The following PBX1 variants were observed in gnomAD, a reference collection of about 807,000 sequenced individuals.
PBX1 encodes the protein pre-B-cell leukemia transcription factor 1.
PBX1 carries 6 observed loss-of-function variants against 53.4 expected under a neutral mutation model. The ratio of observed to expected loss-of-function variants is 0.11; its 90% confidence interval spans 0.06 to 0.22. The LOEUF (loss-of-function observed/expected upper bound fraction) is 0.22, where lower values mean the gene tolerates loss of function less well. Ranked by LOEUF, PBX1 falls within the 10% of genes least tolerant of loss-of-function variation. PBX1 has a pLI of 1.00. For synonymous variants in PBX1, 204 were observed against 212.3 expected, an observed-to-expected ratio of 0.96 and a Z score of 0.34; for missense variants, 251 against 551.4, an observed-to-expected ratio of 0.46 and a Z score of 5.46.
chr1:164,587,931 T>C (rs1475029410), intron 2 of PBX1, among the ~76,000 whole-genome samples: 1 of 152,278 alleles, frequency 6.6e-6, no homozygotes, highest in South Asian at 2.1e-4. Flanking sequence ...CCCATTTTTA[T>C]ATGCAAGAAG....
At chr1:164,731,312 C>CAAAAAAAAAAA (rs57637058) in intron 2 of PBX1, among the ~76,000 whole-genome samples, 1 of 118,230 alleles carries the variant, frequency 8.5e-6, no homozygotes. Flanking sequence ...TTTCATCAGC[C>CAAAAAAAAAAA]AAAAAAAAAA....
intron 2 of PBX1, among the ~76,000 whole-genome samples, chr1:164,869,241 C>T (rs1672291695): frequency 6.6e-6 from 1 of 152,154 alleles, no homozygotes; most frequent in Non-Finnish European, 1.5e-5. Flanking sequence ...GTCATGATGA[C>T]TTTACTCCAC....
chr1:164,792,166 C>G (rs1420541494), intron 2 of PBX1, among the ~76,000 whole-genome samples: 1 of 152,122 alleles, frequency 6.6e-6, no homozygotes, highest in Non-Finnish European at 1.5e-5. Context: ...AACTCAGCTT[C>G]CCAAAGTGAA....
In PBX1 at chr1:164,849,631, C is replaced by T. The variant is rs377715625; in HGVS notation, c.*2955C>T. ...GATACTAGACCCTGGGTTTGCCCACCTTGTAACTCTTCCTTATCTCCTCCT... is the reference window on the plus strand; with the variant it reads ...GATACTAGACCCTGGGTTTGCCCACTTTGTAACTCTTCCTTATCTCCTCCT... On this transcript the variant is annotated 3_prime_UTR_variant, in exon 9 of 9. Coordinates refer to ENST00000420696, the MANE Select transcript of PBX1 (RefSeq NM_002585.4). The T allele has an allele frequency of 1.9e-6, 1 of 521,804 alleles. No individual in the cohort carries two copies. The highest frequency in any genetic ancestry group is 1.9e-5 in the African/African-American group (1 of 52,654). 32.3% of individuals were successfully genotyped at this position (521,804 alleles called of 1,614,324 possible).
intron 1 of PBX1, chr1:164,560,365 GC>G: frequency 2.5e-6 from 1 of 397,034 alleles, no homozygotes; most frequent in Non-Finnish European, 4.4e-6. Context: ...ATCAGAGAAA[GC>G]AGAATTGTCA....
At chr1:164,673,809 C>T (rs1340908919) in intron 2 of PBX1, among the ~76,000 whole-genome samples, 2 of 152,136 alleles carry the variant, frequency 1.3e-5, no homozygotes, top group African/African-American at 2.4e-5. Flanking sequence ...GCACATGCTA[C>T]CCCCAGCCAC....
chr1:164,849,862 CA>C lies in PBX1; in HGVS notation c.*3192del. ...GCCCAGAAAAACCTGACTTCGATAC[CA>C]AAAAAGATGAAACTACAGAAACTCA... On this transcript the variant is annotated 3_prime_UTR_variant, in exon 9 of 9. Transcript: ENST00000420696. 4.3e-6 allele frequency: 1 copy of C among 230,122 alleles called. No homozygotes were observed. Among genetic ancestry groups the C allele is most frequent in the Non-Finnish European group, 8.6e-6 (1 of 116,356 alleles). 14.3% of individuals were successfully genotyped at this position (230,122 alleles called of 1,614,324 possible).
intron 2 of PBX1, among the ~76,000 whole-genome samples, chr1:164,749,420 G>C (rs985264092): frequency 3.3e-5 from 5 of 152,140 alleles, no homozygotes; most frequent in African/African-American, 1.2e-4. Context: ...ATAGCATTTA[G>C]TATAGCCAGT....
intron 2 of PBX1, among the ~76,000 whole-genome samples, chr1:164,651,133 T>A (rs915894896): frequency 1.3e-5 from 2 of 152,180 alleles, no homozygotes; most frequent in African/African-American, 4.8e-5. Flanking sequence ...AAATGAAATT[T>A]GTATGTTAAA....
chr1:164,618,732 C>T (rs1657468294), intron 2 of PBX1, among the ~76,000 whole-genome samples: 1 of 152,136 alleles, frequency 6.6e-6, no homozygotes, highest in African/African-American at 2.4e-5. Context: ...TCTTTTACAT[C>T]TCTAATATTT....
At chr1:164,744,551 A>T (rs976198424) in intron 2 of PBX1, among the ~76,000 whole-genome samples, 13 of 152,174 alleles carry the variant, frequency 8.5e-5, no homozygotes, top group Non-Finnish European at 1.5e-4. Flanking sequence ...TTTAAGACAG[A>T]GGTAGGGTCT....
At chr1:164,655,100 G>GTTTTT (rs35954587) in intron 2 of PBX1, among the ~76,000 whole-genome samples, 13 of 138,832 alleles carry the variant, frequency 9.4e-5, no homozygotes, top group African/African-American at 1.4e-4. Flanking sequence ...TCTGATGTGT[G>GTTTTT]TTTTTTTTTT....
At chr1:164,839,509 G>C (rs1370715843) in intron 8 of PBX1, among the ~76,000 whole-genome samples, 1 of 152,114 alleles carries the variant, frequency 6.6e-6, no homozygotes, top group Non-Finnish European at 1.5e-5. Flanking sequence ...TAGAGACATG[G>C]GTGATGTGTG....
At chr1:164,885,675 T>C (rs1283997359) in intron 2 of PBX1, among the ~76,000 whole-genome samples, 1 of 152,212 alleles carries the variant, frequency 6.6e-6, no homozygotes, top group Non-Finnish European at 1.5e-5. Flanking sequence ...ATGGAGATGA[T>C]AATACCTACC....
intron 2 of PBX1, among the ~76,000 whole-genome samples, chr1:164,857,909 T>C (rs569657382): frequency 1.3e-5 from 2 of 152,214 alleles, no homozygotes; most frequent in Non-Finnish European, 2.9e-5. Context: ...GAACAATGCC[T>C]GACACACAGT....
At chr1:164,645,227 G>C (rs1659381427) in intron 2 of PBX1, among the ~76,000 whole-genome samples, 1 of 152,128 alleles carries the variant, frequency 6.6e-6, no homozygotes, top group African/African-American at 2.4e-5. Context: ...CTAATAACCA[G>C]TACAGGATTC....
chr1:164,678,829 C>CT (rs1010816812), intron 2 of PBX1, among the ~76,000 whole-genome samples: 41 of 148,550 alleles, frequency 2.8e-4, no homozygotes, highest in South Asian at 6.4e-4. Flanking sequence ...TTATGAACAA[C>CT]TTTTTTTTTT....
At chr1:164,784,093 G>A (rs749815106) in intron 2 of PBX1, among the ~76,000 whole-genome samples, 2 of 152,178 alleles carry the variant, frequency 1.3e-5, no homozygotes, top group Non-Finnish European at 2.9e-5. Flanking sequence ...GGTTACCACA[G>A]GCAATCCAGG....
chr1:164,797,382 T>C (rs890838915), intron 3 of PBX1, among the ~76,000 whole-genome samples: 10 of 152,154 alleles, frequency 6.6e-5, no homozygotes, highest in African/African-American at 2.4e-4. Context: ...ATGCTTGCCA[T>C]GTGCCTAGCC....
Sources: gnomAD v4.1 joint callset for allele counts (sites outside exome capture counted in the v4.1 genomes callset) on GRCh38, gnomAD v4.1.1 for gene constraint, MANE v1.5 for transcripts, NCBI Gene and HGNC (gene_info 2026-07-23, HGNC 2026-07-21) for gene names.